The following CCDC172 variants were observed in gnomAD, a reference collection of about 807,000 sequenced individuals.
CCDC172 encodes the protein coiled-coil domain-containing protein 172.
A neutral mutation model predicts 38.0 loss-of-function variants in CCDC172; 30 were observed. The observed-to-expected ratio is 0.79, with a 90% CI of 0.59 to 1.07. CCDC172 has a LOEUF of 1.07. Among genes scored for constraint, CCDC172 ranks in the 50% least tolerant of loss-of-function variants. CCDC172 has a pLI of 0.00. For synonymous variants in CCDC172, 78 were observed against 88.3 expected (o/e 0.88, Z 0.66); for missense variants, 297 against 290.1 (o/e 1.02, Z -0.17).
chr10:116,357,162 G>A (rs1329818332), intron 5 of CCDC172, among the ~76,000 whole-genome samples: 2 of 152,104 alleles, frequency 1.3e-5, no homozygotes, highest in Admixed American at 6.5e-5. Context: ...GAATTTTCAT[G>A]GGGATTGCAT....
At chr10:116,355,416 G>A (rs1844984163) in intron 5 of CCDC172, among the ~76,000 whole-genome samples, 1 of 152,150 alleles carries the variant, frequency 6.6e-6, no homozygotes, top group Non-Finnish European at 1.5e-5. Context: ...CCCCATCTTA[G>A]TGAGTGTGAG....
chr10:116,354,628 G>A (rs1844972259), intron 5 of CCDC172, among the ~76,000 whole-genome samples: 1 of 152,226 alleles, frequency 6.6e-6, no homozygotes, highest in African/African-American at 2.4e-5. Context: ...GGAGGCTGAG[G>A]CAGTATAATT....
intron 5 of CCDC172, among the ~76,000 whole-genome samples, chr10:116,354,527 C>T (rs1394092323): frequency 6.6e-6 from 1 of 151,760 alleles, no homozygotes; most frequent in Admixed American, 6.6e-5. Context: ...AGTTTGAGAC[C>T]AGCCTGGGCA....
chr10:116,334,812 G>A (rs2134910955), intron 3 of CCDC172, among the ~76,000 whole-genome samples: 1 of 152,032 alleles, frequency 6.6e-6, no homozygotes, highest in East Asian at 1.9e-4. Context: ...CAGAAAAGTT[G>A]TTCCAGTTTT....
intron 5 of CCDC172, among the ~76,000 whole-genome samples, chr10:116,345,324 C>G (rs923752920): frequency 6.6e-6 from 1 of 151,874 alleles, no homozygotes; most frequent in Non-Finnish European, 1.5e-5. Flanking sequence ...CTCTTCACAC[C>G]GTATTATAAA....
chr10:116,327,714 G>T (rs1311955277), intron 3 of CCDC172, among the ~76,000 whole-genome samples: 2 of 151,948 alleles, frequency 1.3e-5, no homozygotes, highest in Non-Finnish European at 2.9e-5. Context: ...ACATATGAGG[G>T]TCACAGTTCA....
intron 5 of CCDC172, among the ~76,000 whole-genome samples, chr10:116,357,002 A>AT (rs1296800253): frequency 6.6e-6 from 1 of 152,128 alleles, no homozygotes; most frequent in Admixed American, 6.6e-5. Context: ...TGCTGCTTAG[A>AT]TTTTTACTAC....
chr10:116,371,325 A>T (rs1845183301), intron 7 of CCDC172, among the ~76,000 whole-genome samples: 1 of 151,978 alleles, frequency 6.6e-6, no homozygotes, highest in Non-Finnish European at 1.5e-5. Flanking sequence ...CCTTGGAAAT[A>T]TTAATATGGT....
intron 7 of CCDC172, among the ~76,000 whole-genome samples, chr10:116,362,299 GT>G: frequency 6.6e-6 from 1 of 152,190 alleles, no homozygotes; most frequent in African/African-American, 2.4e-5. Context: ...AATCACACTG[GT>G]CTGCAGTTTG....
intron 5 of CCDC172, among the ~76,000 whole-genome samples, chr10:116,342,615 A>C (rs1160714915): frequency 6.6e-6 from 1 of 152,098 alleles, no homozygotes; most frequent in Admixed American, 6.5e-5. Flanking sequence ...GAGTGGAGAG[A>C]GTTTTATTTC....
At chr10:116,369,241 T>A (rs2134965825) in intron 7 of CCDC172, among the ~76,000 whole-genome samples, 1 of 152,130 alleles carries the variant, frequency 6.6e-6, no homozygotes, top group South Asian at 2.1e-4. Flanking sequence ...GATGGAATTT[T>A]ATTTGATAAA....
chr10:116,352,632 A>C (rs958268882), intron 5 of CCDC172, among the ~76,000 whole-genome samples: 3 of 152,164 alleles, frequency 2.0e-5, no homozygotes, highest in African/African-American at 7.2e-5. Context: ...GATAGAGGGC[A>C]TCTATAGAAA....
At chr10:116,373,292 TA>T (rs1288810949) in intron 7 of CCDC172, among the ~76,000 whole-genome samples, 1 of 151,904 alleles carries the variant, frequency 6.6e-6, no homozygotes, top group East Asian at 1.9e-4. Flanking sequence ...AATATAAAAT[TA>T]GAAATGAAAA....
intron 5 of CCDC172, among the ~76,000 whole-genome samples, chr10:116,354,888 TTG>T (rs1002976099): frequency 2.0e-5 from 3 of 152,208 alleles, no homozygotes; most frequent in Non-Finnish European, 4.4e-5. Flanking sequence ...CCTAGGCTAA[TTG>T]TGTGTATTTG....
intron 7 of CCDC172, among the ~76,000 whole-genome samples, chr10:116,359,601 A>C (rs564544677): frequency 3.3e-5 from 5 of 152,274 alleles, no homozygotes; most frequent in Non-Finnish European, 4.4e-5. Flanking sequence ...GGCAACCAAA[A>C]ATGTCTCCAG....
intron 3 of CCDC172, among the ~76,000 whole-genome samples, chr10:116,334,090 C>A (rs1437891443): frequency 6.6e-6 from 1 of 152,184 alleles, no homozygotes; most frequent in African/African-American, 2.4e-5. Flanking sequence ...TTAAAAATTC[C>A]TCCCAAGAGA....
Position 116,342,577 on chromosome 10 carries a change from G to A in CCDC172, c.448+376G>A, listed in dbSNP as rs1316119575. Among the ~76,000 whole-genome samples, 3 of 152,270 alleles carry A rather than the reference G, an allele frequency of 2.0e-5. No individual in the cohort carries two copies. The East Asian group carries it at 5.8e-4, about 29-fold the overall frequency. On this transcript the variant is annotated intron_variant, in intron 5 of 8. Transcript: ENST00000333254. ...GTGCCCTAATCCTCTAACAATCCAG[G>A]AGAAGCTAGGAATAAGTTTACACAG...
At chr10:116,354,111 A>C (rs1177205852) in intron 5 of CCDC172, among the ~76,000 whole-genome samples, 1 of 152,204 alleles carries the variant, frequency 6.6e-6, no homozygotes, top group East Asian at 1.9e-4. Flanking sequence ...ATTATAATGG[A>C]GCTGAAAATA....
intron 3 of CCDC172, among the ~76,000 whole-genome samples, chr10:116,333,045 T>G (rs1250342405): frequency 6.6e-6 from 1 of 152,156 alleles, no homozygotes; most frequent in Admixed American, 6.5e-5. Context: ...TGCTATGTCC[T>G]TCCTTGCTCT....
Sources: gnomAD v4.1 joint callset for allele counts (sites outside exome capture counted in the v4.1 genomes callset) on GRCh38, gnomAD v4.1.1 for gene constraint, MANE v1.5 for transcripts, NCBI Gene and HGNC (gene_info 2026-07-23, HGNC 2026-07-21) for gene names.